The following FAT1 variants were observed in gnomAD, a reference collection of about 807,000 sequenced individuals.
The protein encoded by FAT1 is FAT atypical cadherin 1, also known as protocadherin Fat 1.
Under a neutral mutation model 329.8 loss-of-function variants are expected in FAT1, and 171 were observed. The observed-to-expected ratio is 0.52, with a 90% CI of 0.46 to 0.59. The LOEUF is 0.59. FAT1 is among the 20% of genes least tolerant of loss of function. The pLI is 0.00. For synonymous variants in FAT1, 2,233 were observed against 2,228.6 expected (o/e 1.00, Z -0.06); for missense variants, 5,672 against 5,774.4 (o/e 0.98, Z 0.57).
At chr4:186,641,259 G>A (rs1741076882) in intron 3 of FAT1, among the ~76,000 whole-genome samples, 1 of 152,156 alleles carries the variant, frequency 6.6e-6, no homozygotes, top group African/African-American at 2.4e-5. Context: ...CTCCACACTG[G>A]GGTTTTCCCA....
chr4:186,700,755 G>A (rs1335225746), intron 2 of FAT1, among the ~76,000 whole-genome samples: 2 of 152,222 alleles, frequency 1.3e-5, no homozygotes, highest in African/African-American at 4.8e-5. Flanking sequence ...ATCCTGTAAT[G>A]TAGGGATAAC....
Position 186,597,156 on chromosome 4 carries a change from G to C in FAT1, c.12384C>G (p.Ile4128Met), listed in dbSNP as rs748132913. 2 of 1,607,864 alleles carry C rather than the reference G, an allele frequency of 1.2e-6. No homozygotes were observed. Among genetic ancestry groups the C allele is most frequent in the Non-Finnish European group, 1.7e-6 (2 of 1,176,742 alleles). ...GFRGERCQSD[I>M]DECSGNPCLH... is the part of the protein sequence containing the mutation. ...GGCAAGGGTTTCCAGAGCACTCGTC[G>C]ATATCACTCTGACACCTGCCAAGGA... The change falls in exon 25 of 27, where the codon ATC becomes ATG. Residue 4128 changes from isoleucine to methionine, a missense_variant. By Grantham distance (10) the Ile-to-Met change is conservative (BLOSUM62 1). Around this residue, in one of 2 missense-constraint regions of FAT1, gnomAD observed 1,706 missense variants for 1,859.1 expected, o/e 0.92. Coordinates refer to ENST00000441802, the MANE Select transcript of FAT1 (RefSeq NM_005245.4).
chr4:186,658,778 G>A (rs1306000751), intron 3 of FAT1, among the ~76,000 whole-genome samples: 4 of 151,968 alleles, frequency 2.6e-5, no homozygotes, highest in Non-Finnish European at 4.4e-5. Flanking sequence ...GTTCCAAGGG[G>A]CTCATCTTCC....
At chr4:186,644,976 CAGTA>C (rs1560961983) in intron 3 of FAT1, among the ~76,000 whole-genome samples, 1 of 152,106 alleles carries the variant, frequency 6.6e-6, no homozygotes, top group Non-Finnish European at 1.5e-5. Context: ...ATGTGAGAAA[CAGTA>C]AGACAGGATA....
chr4:186,702,923 T>C (rs190668242), intron 2 of FAT1, among the ~76,000 whole-genome samples: 15 of 152,330 alleles, frequency 9.8e-5, no homozygotes, highest in African/African-American at 3.6e-4. Context: ...TAAACATCTT[T>C]GTTAAATCTA....
intron 2 of FAT1, among the ~76,000 whole-genome samples, chr4:186,676,757 G>A (rs556035684): frequency 6.6e-6 from 1 of 152,326 alleles, no homozygotes; most frequent in South Asian, 2.1e-4. Context: ...AGAGACAGTT[G>A]TCTCTGGAGT....
rs889044137 is a variant in FAT1 at position 186,604,493 on chromosome 4, A to G, written c.10432T>C (p.Phe3478Leu). 2.5e-6 allele frequency: 4 copies of G among 1,613,874 alleles called. No individual in the cohort carries two copies. The highest frequency in any genetic ancestry group is 3.4e-6 in the Non-Finnish European group (4 of 1,179,762). Residue 3478 changes from phenylalanine (F) to leucine (L), a missense_variant, in exon 18 of 27, where the codon TTT (phenylalanine) becomes CTT (leucine). Physicochemically the swap from Phe to Leu is conservative, Grantham distance 22. Around this residue, in one of 2 missense-constraint regions of FAT1, gnomAD observed 1,706 missense variants for 1,859.1 expected, o/e 0.92. Coordinates refer to ENST00000441802, the MANE Select transcript of FAT1 (RefSeq NM_005245.4). The stretch of plus-strand genomic sequence containing the variant: ...TCATCATTTCCAGTTACAATAGTAA[A>G]GAAGAAGGGTGGACCGTTATGGGAA... ...DSSHNGPPFF[F>L]TIVTGNDEKA...
At position 186,609,324 on chromosome 4, in the gene FAT1, G is replaced by A. The variant is rs895777106; in HGVS notation, c.10069-4C>T. 1 of 1,613,518 alleles carries A rather than the reference G, an allele frequency of 6.2e-7. No individual in the cohort carries two copies. The highest frequency in any genetic ancestry group is 8.5e-7 in the Non-Finnish European group (1 of 1,179,758). On this transcript the variant is annotated splice_polypyrimidine_tract_variant and splice_region_variant and intron_variant, in intron 15 of 26. Coordinates refer to ENST00000441802, the MANE Select transcript of FAT1 (RefSeq NM_005245.4). ...CATCGGCATCATCGGCCATAACCTAGAACACACCACACTCCTGTTTAGGAG... is the reference window on the plus strand; with the variant it reads ...CATCGGCATCATCGGCCATAACCTAAAACACACCACACTCCTGTTTAGGAG...
chr4:186,671,813 TGTG>T (rs1421717423), intron 2 of FAT1, among the ~76,000 whole-genome samples: 1 of 152,130 alleles, frequency 6.6e-6, no homozygotes, highest in Non-Finnish European at 1.5e-5. Context: ...CGTGTGTGTG[TGTG>T]GTGTGTGTGT....
chr4:186,614,978 T>C (rs552527350), intron 11 of FAT1, among the ~76,000 whole-genome samples: 1 of 116,158 alleles, frequency 8.6e-6, no homozygotes, highest in African/African-American at 4.7e-5. Context: ...TAGAAATCCA[T>C]GCCATAAATT....
intron 11 of FAT1, among the ~76,000 whole-genome samples, chr4:186,615,218 AAG>A (rs973104488): frequency 6.6e-6 from 1 of 152,168 alleles, no homozygotes; most frequent in Non-Finnish European, 1.5e-5. Flanking sequence ...CAGTTGCTGT[AAG>A]AGAGAGAGAA....
rs760489041 is a variant in FAT1, at chr4:186,618,340, T to A, written c.8246A>T (p.Glu2749Val). The A allele has an allele frequency of 1.9e-6, 3 of 1,614,038 alleles. No individual in the cohort carries two copies. Among genetic ancestry groups the A allele is most frequent in the Non-Finnish European group, 2.5e-6 (3 of 1,179,904 alleles). Reference protein sequence around the residue: ...KGNTPESNRDESFVIDRQSGR... With the variant: ...KGNTPESNRDVSFVIDRQSGR... Reference sequence around the variant, plus strand: ...GCTCTGTCTGTCAATCACAAAGGACTCATCCCTATTGCTTTCTGGAGTATT... The same window carrying A: ...GCTCTGTCTGTCAATCACAAAGGACACATCCCTATTGCTTTCTGGAGTATT... Residue 2749 changes from glutamate to valine, a missense_variant, in exon 10 of 27, where the codon GAG becomes GTG. By Grantham distance (121) the Glu-to-Val change is moderately radical. Transcript: ENST00000441802.
At position 186,706,996 on chromosome 4, in the gene FAT1, G is replaced by C. The variant is rs551051361; in HGVS notation, c.2832C>G (p.Thr944=). 1 of 1,613,930 alleles carries C rather than the reference G, an allele frequency of 6.2e-7. No individual in the cohort carries two copies. The highest frequency in any genetic ancestry group is 1.1e-5 in the South Asian group (1 of 91,076). The change falls in exon 2 of 27, where the codon ACC becomes ACG. Residue 944 remains threonine (T), a synonymous_variant. Coordinates refer to ENST00000441802, the MANE Select transcript of FAT1 (RefSeq NM_005245.4). ...VKVREDLPEG[T]VIMWLEAHDP... is the part of the protein sequence containing the mutation. ...CGTGGGCTTCTAACCACATGATGAC[G>C]GTTCCTTCTGGAAGATCCTCTCGGA...
intron 2 of FAT1, among the ~76,000 whole-genome samples, chr4:186,703,293 T>G (rs1027794219): frequency 1.3e-5 from 2 of 152,198 alleles, no homozygotes; most frequent in Non-Finnish European, 2.9e-5. Flanking sequence ...TGGTGACAGA[T>G]TTTTAGGTAG....
intron 12 of FAT1, 111 bp downstream of exon 12, chr4:186,614,080 C>T: frequency 1.1e-6 from 1 of 895,446 alleles, no homozygotes. Context: ...CATCAGAATA[C>T]ATTTGAAAAG....
intron 2 of FAT1, among the ~76,000 whole-genome samples, chr4:186,692,694 C>T (rs984522220): frequency 6.6e-6 from 1 of 151,806 alleles, no homozygotes; most frequent in East Asian, 1.9e-4. Flanking sequence ...ATTCTCTCCT[C>T]ATTTCGGTGT....
intron 3 of FAT1, among the ~76,000 whole-genome samples, chr4:186,659,261 G>A (rs1444871835): frequency 6.6e-6 from 1 of 152,134 alleles, no homozygotes; most frequent in Non-Finnish European, 1.5e-5. Flanking sequence ...TCCACACAAC[G>A]ACAAAATCGC....
chr4:186,666,600 T>C (rs377161001), intron 2 of FAT1, among the ~76,000 whole-genome samples: 4 of 152,238 alleles, frequency 2.6e-5, no homozygotes, highest in South Asian at 4.1e-4. Flanking sequence ...TATCTACCTC[T>C]TTTGAGTTCT....
At chr4:186,664,183 A>G (rs1742322670) in intron 2 of FAT1, among the ~76,000 whole-genome samples, 2 of 152,186 alleles carry the variant, frequency 1.3e-5, no homozygotes, top group Admixed American at 1.3e-4. Context: ...CGGTCTGCAC[A>G]CACACCCCTT....
Sources: allele counts gnomAD v4.1 joint callset (sites outside exome capture counted in the v4.1 genomes callset), GRCh38; gene constraint gnomAD v4.1.1; regional missense constraint gnomAD v4.1.1; transcripts MANE v1.5; gene names NCBI Gene and HGNC (gene_info 2026-07-23, HGNC 2026-07-21).